KLHL29: variants seen among roughly 807,000 people sequenced by gnomAD.
KLHL29 encodes kelch-like protein 29.
Under a neutral mutation model 80.4 loss-of-function variants are expected in KLHL29, and 21 were observed. The ratio of observed to expected loss-of-function variants is 0.26; its 90% CI spans 0.19 to 0.38. The LOEUF is 0.38. KLHL29 is among the 10% of genes least tolerant of loss of function. KLHL29 has a pLI of 1.00. For synonymous variants in KLHL29, 511 were observed against 526.8 expected (o/e 0.97, Z 0.41); for missense variants, 867 against 1,223.9 (o/e 0.71, Z 4.35).
chr2:23,566,065 G>A (rs1203422932), intron 3 of KLHL29, among the ~76,000 whole-genome samples: 1 of 152,234 alleles, frequency 6.6e-6, no homozygotes, highest in Non-Finnish European at 1.5e-5. Flanking sequence ...TGGCCGGTGA[G>A]GTGATGACAA....
intron 2 of KLHL29, among the ~76,000 whole-genome samples, chr2:23,539,951 C>T (rs565086563): frequency 1.3e-5 from 2 of 152,200 alleles, no homozygotes; most frequent in African/African-American, 4.8e-5. Context: ...CGTTCCACCT[C>T]AGACCTCCAT....
intron 5 of KLHL29, among the ~76,000 whole-genome samples, chr2:23,649,624 T>C (rs948375448): frequency 2.0e-5 from 3 of 152,296 alleles, no homozygotes; most frequent in Admixed American, 1.3e-4. Flanking sequence ...TGCGGGAGCA[T>C]ATGGGCCTTC....
intron 3 of KLHL29, among the ~76,000 whole-genome samples, chr2:23,580,380 G>A (rs1291801962): frequency 7.5e-3 from 814 of 108,606 alleles, no homozygotes; most frequent in Middle Eastern, 0.046. Flanking sequence ...TCATAAAAAA[G>A]ATCTAGCCCA....
At chr2:23,600,900 A>G (rs1413031322) in intron 3 of KLHL29, among the ~76,000 whole-genome samples, 2 of 152,254 alleles carry the variant, frequency 1.3e-5, no homozygotes, top group African/African-American at 2.4e-5. Flanking sequence ...AGCCAGTATG[A>G]TAACAGAATG....
At chr2:23,433,633 G>A (rs1314414763) in intron 1 of KLHL29, among the ~76,000 whole-genome samples, 1 of 152,190 alleles carries the variant, frequency 6.6e-6, no homozygotes, top group African/African-American at 2.4e-5. Context: ...AAAAATGAGC[G>A]CTGGGCAGGG....
At chr2:23,603,217 C>T (rs570206338) in intron 3 of KLHL29, among the ~76,000 whole-genome samples, 5 of 152,240 alleles carry the variant, frequency 3.3e-5, no homozygotes, top group African/African-American at 1.2e-4. Context: ...AAATGCCCAC[C>T]CTGTAGGAGT....
chr2:23,490,487 A>G (rs181872815), intron 2 of KLHL29, among the ~76,000 whole-genome samples: 15 of 152,340 alleles, frequency 9.8e-5, no homozygotes, highest in Admixed American at 5.2e-4. Context: ...TCTTTTTCCT[A>G]AGCAGTTATC....
intron 3 of KLHL29, chr2:23,618,135 A>T (rs1002996896): frequency 1.3e-5 from 2 of 152,208 alleles, no homozygotes; most frequent in Middle Eastern, 6.8e-3. Flanking sequence ...CATGGAAGGA[A>T]TTCTCCAGCC....
At chr2:23,422,550 G>A (rs1156682968) in intron 1 of KLHL29, among the ~76,000 whole-genome samples, 1 of 150,264 alleles carries the variant, frequency 6.7e-6, no homozygotes, top group Admixed American at 6.6e-5. Context: ...GTGTCTCTCT[G>A]TGTTGTGTGC....
At chr2:23,443,811 G>T (rs914559070) in intron 1 of KLHL29, among the ~76,000 whole-genome samples, 8 of 152,220 alleles carry the variant, frequency 5.3e-5, no homozygotes, top group Non-Finnish European at 2.9e-5. Flanking sequence ...CGATGCCATT[G>T]TGAAGGTAGA....
At chr2:23,502,979 CTTTTTCTTTTTTT>C (rs1665497331) in intron 2 of KLHL29, among the ~76,000 whole-genome samples, 1 of 151,648 alleles carries the variant, frequency 6.6e-6, no homozygotes, top group Non-Finnish European at 1.5e-5. Flanking sequence ...TTTCTTTTTT[CTTTTTCTTTTTTT>C]TGGCCTGTCT....
chr2:23,476,428 T>A (rs1434311967), intron 2 of KLHL29, among the ~76,000 whole-genome samples: 1 of 152,106 alleles, frequency 6.6e-6, no homozygotes, highest in African/African-American at 2.4e-5. Context: ...GAGATAACCA[T>A]TTTAGTGTTT....
At position 23,557,669 on chromosome 2, in the gene KLHL29, A is replaced by AG. The variant is rs564597657; in HGVS notation, c.-45-4481dup. The stretch of plus-strand genomic sequence containing the variant: ...GAGTGGAGAGGTTTTACTGGGGCCT[A>AG]GGAGACCCCTTTGACCTGATCCCAA... On this transcript the variant is annotated intron_variant, in intron 2 of 13. Transcript: ENST00000486442. 2.2e-3 allele frequency among the ~76,000 whole-genome samples: 330 copies of AG among 152,186 alleles called. 1 individual carries two copies. The highest frequency in any genetic ancestry group is 2.8e-3 in the Non-Finnish European group (193 of 67,994).
At chr2:23,500,987 C>T (rs1260445489) in intron 2 of KLHL29, among the ~76,000 whole-genome samples, 1 of 152,146 alleles carries the variant, frequency 6.6e-6, no homozygotes, top group Non-Finnish European at 1.5e-5. Flanking sequence ...ATCTCCCGGC[C>T]TGTGTGTGCT....
intron 5 of KLHL29, among the ~76,000 whole-genome samples, chr2:23,658,870 C>T (rs746070544): frequency 1.3e-5 from 2 of 152,198 alleles, no homozygotes; most frequent in South Asian, 2.1e-4. Context: ...AGGAGAGACC[C>T]GTGAGGCCCA....
rs1036842274 is a variant in KLHL29, at chr2:23,457,267, C to T, written c.-153-18293C>T. ...GACCAATGCTGAACTCATATGGGCT[C>T]TGAGCCCAGAGGGGCCAGGTCTTTG... is the stretch of plus-strand genomic sequence containing the variant. On this transcript the variant is annotated intron_variant, in intron 1 of 13. Coordinates refer to ENST00000486442, the MANE Select transcript of KLHL29 (RefSeq NM_052920.2). This position sits in a 1 kb window ranked among gnomAD's most constrained non-coding sequence, Gnocchi z 4.3. Among the ~76,000 whole-genome samples the T allele has an allele frequency of 3.3e-5, 5 of 152,206 alleles. No homozygotes were observed. The highest frequency in any genetic ancestry group is 4.8e-5 in the African/African-American group (2 of 41,444).
At chr2:23,698,619 A>AGAT (rs1317789872) in intron 11 of KLHL29, among the ~76,000 whole-genome samples, 2 of 152,258 alleles carry the variant, frequency 1.3e-5, no homozygotes, top group African/African-American at 4.8e-5. Flanking sequence ...ATATAATTAT[A>AGAT]GATTAAGACA....
chr2:23,537,030 G>T (rs980082518), intron 2 of KLHL29, among the ~76,000 whole-genome samples: 1 of 151,916 alleles, frequency 6.6e-6, no homozygotes. Flanking sequence ...TGTCCGTTAC[G>T]TCCCTGTTCT....
intron 2 of KLHL29, among the ~76,000 whole-genome samples, chr2:23,537,713 C>G (rs1224618672): frequency 6.6e-6 from 1 of 152,156 alleles, no homozygotes; most frequent in Non-Finnish European, 1.5e-5. Flanking sequence ...GCATCTGGAG[C>G]TTGGCCACCT....
Sources: gnomAD v4.1 joint callset for allele counts (sites outside exome capture counted in the v4.1 genomes callset) on GRCh38, gnomAD v4.1.1 for gene constraint, Gnocchi (gnomAD v3.1) non-coding constraint, MANE v1.5 for transcripts, NCBI Gene and HGNC (gene_info 2026-07-23, HGNC 2026-07-21) for gene names.